Variants in DNAAF11 observed in about 807,000 individuals in gnomAD.
The protein encoded by DNAAF11 is leucine rich repeat containing 6.
Under a neutral mutation model 60.8 loss-of-function variants are expected in DNAAF11, and 45 were observed. The observed-to-expected ratio is 0.74, with a 90% confidence interval of 0.58 to 0.95. DNAAF11 has a LOEUF of 0.95. DNAAF11 is among the 40% of genes least tolerant of loss of function. The pLI, the probability that DNAAF11 is intolerant of heterozygous loss-of-function variation, is 0.00. For synonymous variants in DNAAF11, 191 were observed against 183.5 expected, an observed-to-expected ratio of 1.04 and a Z score of -0.33; for missense variants, 546 against 546.2, an observed-to-expected ratio of 1.00 and a Z score of 0.00.
intron 9 of DNAAF11, among the ~76,000 whole-genome samples, chr8:132,610,903 T>C (rs2357512): frequency 0.056 from 8,544 of 152,226 alleles, 614 homozygotes; most frequent in African/African-American, 0.17. Context: ...TATTTATTTA[T>C]TTATTTTTGA....
intron 3 of DNAAF11, among the ~76,000 whole-genome samples, chr8:132,650,873 G>A (rs955039124): frequency 3.3e-5 from 5 of 152,146 alleles, no homozygotes; most frequent in Admixed American, 6.5e-5. Context: ...ATCTTTGGAT[G>A]TTGCTATAAT....
At chr8:132,622,332 A>G (rs142674894) in intron 7 of DNAAF11, among the ~76,000 whole-genome samples, 1 of 152,326 alleles carries the variant, frequency 6.6e-6, no homozygotes, top group Non-Finnish European at 1.5e-5. Flanking sequence ...TTCAGGCATA[A>G]AACTGTATAT....
chr8:132,572,510 C>G, intron 11 of DNAAF11, 30 bp from the exon 12 acceptor site: 1 of 1,510,316 alleles, frequency 6.6e-7, no homozygotes, highest in Non-Finnish European at 9.0e-7. Context: ...CAAACAGAAA[C>G]TGATACTACA....
intron 7 of DNAAF11, 37 bp from the exon 8 acceptor site, chr8:132,615,134 CT>C: frequency 8.1e-7 from 1 of 1,231,328 alleles, no homozygotes. Flanking sequence ...AAAGAGATGT[CT>C]TTAGGATACT....
At chr8:132,694,725 T>C in the DNAAF11 span, among the ~76,000 whole-genome samples, 1 of 152,190 alleles carries the variant, frequency 6.6e-6, no homozygotes, top group African/African-American at 2.4e-5. Context: ...GTTTGAGATA[T>C]GTCTTAGCCA....
the DNAAF11 span, among the ~76,000 whole-genome samples, chr8:132,682,167 A>C: frequency 6.6e-6 from 1 of 152,222 alleles, no homozygotes. Context: ...ATAGAGTACA[A>C]GGGAAGAAAC....
chr8:132,638,342 G>A (rs974348442), intron 3 of DNAAF11, among the ~76,000 whole-genome samples: 10 of 152,046 alleles, frequency 6.6e-5, no homozygotes, highest in Non-Finnish European at 1.0e-4. Context: ...TCCAGCCAGG[G>A]GAAATCACTT....
At chr8:132,616,397 ATTGCAAC>A (rs2130111279) in intron 7 of DNAAF11, among the ~76,000 whole-genome samples, 1 of 152,274 alleles carries the variant, frequency 6.6e-6, no homozygotes, top group South Asian at 2.1e-4. Flanking sequence ...TTAATAAGCA[ATTGCAAC>A]TGTCCAAGCA....
chr8:132,649,851 T>C (rs1199118066), intron 3 of DNAAF11, among the ~76,000 whole-genome samples: 2 of 152,146 alleles, frequency 1.3e-5, no homozygotes, highest in African/African-American at 4.8e-5. Flanking sequence ...TGGCAATCAT[T>C]AAAACATCAA....
At position 132,618,117 on chromosome 8, in the gene DNAAF11, G is replaced by C. The variant is rs1306834085; in HGVS notation, c.915-3020C>G. Among the ~76,000 whole-genome samples, 941 of 151,980 alleles carry C rather than the reference G, an allele frequency of 6.2e-3. 8 individuals carry two copies. The highest frequency in any genetic ancestry group is 0.022 in the African/African-American group (898 of 41,414). On this transcript the variant is annotated intron_variant, in intron 7 of 11. Coordinates refer to ENST00000620350, the MANE Select transcript of DNAAF11 (RefSeq NM_012472.6). ...AACAGAGATATAGATCAATGGAACA[G>C]AACAGAGCCCTCAGAAACAATGCCG...
chr8:132,581,373 G>A (rs1167456627), intron 11 of DNAAF11, among the ~76,000 whole-genome samples: 1 of 152,034 alleles, frequency 6.6e-6, no homozygotes, highest in Non-Finnish European at 1.5e-5. Flanking sequence ...AGTCTGGCTG[G>A]GTGCGGTGGC....
chr8:132,603,736 T>A (rs887211745), intron 10 of DNAAF11, among the ~76,000 whole-genome samples: 1 of 152,044 alleles, frequency 6.6e-6, no homozygotes, highest in African/African-American at 2.4e-5. Context: ...TAGAGGGGGA[T>A]GTTTTTATTT....
At chr8:132,683,174 G>A in the DNAAF11 span, among the ~76,000 whole-genome samples, 4 of 152,138 alleles carry the variant, frequency 2.6e-5, no homozygotes, top group African/African-American at 9.7e-5. Context: ...AAATAAAAAA[G>A]GATCTTTTCT....
chr8:132,674,132 G>A (rs1460560762), intron 1 of DNAAF11, among the ~76,000 whole-genome samples: 88 of 143,522 alleles, frequency 6.1e-4, no homozygotes, highest in African/African-American at 2.1e-3. Flanking sequence ...AGGAGGAGGA[G>A]GAGAAGGAGG....
rs777011841 is a variant in DNAAF11 at position 132,637,975 on chromosome 8, T to C, written c.389A>G (p.His130Arg). 1.1e-5 allele frequency: 18 copies of C among 1,614,018 alleles called. No individual in the cohort carries two copies. The Middle Eastern group carries it at 8.2e-4, about 74-fold the overall frequency. Residue 130 changes from histidine to arginine, a missense_variant, in exon 4 of 12, where the codon CAC becomes CGC. His to Arg is a conservative substitution (Grantham distance 29). Coordinates refer to ENST00000620350, the MANE Select transcript of DNAAF11 (RefSeq NM_012472.6). The part of the protein sequence containing the change: ...LMGNPCASFD[H>R]YREFVVATLP... ...AGTTGCTACCACGAACTCCCTATAG[T>C]GGTCAAAGGAAGCACATGGGTTCCC...
upstream of DNAAF11, chr8:132,675,569 C>A: frequency 1.4e-6 from 2 of 1,422,000 alleles, no homozygotes; most frequent in Non-Finnish European, 1.9e-6. Context: ...CACCCCTGCT[C>A]CTCAGCGCGT....
At chr8:132,638,710 A>G (rs933882465) in intron 3 of DNAAF11, among the ~76,000 whole-genome samples, 2 of 152,226 alleles carry the variant, frequency 1.3e-5, no homozygotes, top group African/African-American at 4.8e-5. Context: ...TTTGATGTTC[A>G]AAGGAATAAT....
intron 10 of DNAAF11, among the ~76,000 whole-genome samples, chr8:132,600,795 T>C (rs1564002817): frequency 1.3e-5 from 2 of 152,212 alleles, no homozygotes; most frequent in Non-Finnish European, 2.9e-5. Context: ...AAGACTTAAA[T>C]GTTAGACCTA....
chr8:132,686,488 C>T, the DNAAF11 span, among the ~76,000 whole-genome samples: 1 of 152,152 alleles, frequency 6.6e-6, no homozygotes, highest in Admixed American at 6.5e-5. Context: ...TGCAGTATTT[C>T]CACAATACTG....
Sources: allele counts gnomAD v4.1 joint callset (sites outside exome capture counted in the v4.1 genomes callset), GRCh38; gene constraint gnomAD v4.1.1; transcripts MANE v1.5; gene names NCBI Gene and HGNC (gene_info 2026-07-23, HGNC 2026-07-21).